UGT1A5: variants seen among roughly 807,000 people sequenced by gnomAD.
UGT1A5 encodes the protein UDP-glucuronosyltransferase 1A5.
A neutral mutation model predicts 40.3 loss-of-function variants in UGT1A5; 29 were observed. That is an observed-to-expected ratio of 0.72 (90% CI 0.54 to 0.98). UGT1A5 has a LOEUF of 0.98. Among genes scored for constraint, UGT1A5 ranks in the 50% least tolerant of loss-of-function variants. The pLI, the probability that UGT1A5 is intolerant of heterozygous loss-of-function variation, is 0.00. For synonymous variants in UGT1A5, 257 were observed against 262.5 expected (o/e 0.98, Z 0.20); for missense variants, 678 against 677.9 (o/e 1.00, Z 0.00).
intron 1 of UGT1A5, among the ~76,000 whole-genome samples, chr2:233,766,563 T>C (rs533483088): frequency 6.6e-6 from 1 of 152,304 alleles, no homozygotes; most frequent in South Asian, 2.1e-4. Context: ...CCTAGGTCCA[T>C]GGGCACAGGT....
In UGT1A5 at chr2:233,758,028, C is replaced by A. The variant is rs116537239; in HGVS notation, c.868-9006C>A. 3.8e-3 allele frequency among the ~76,000 whole-genome samples: 585 copies of A among 152,248 alleles called. 2 individuals are homozygous for A. Among genetic ancestry groups the A allele is most frequent in the African/African-American group, 0.013 (559 of 41,526 alleles). On this transcript the variant is annotated intron_variant, in intron 1 of 4. Coordinates refer to ENST00000373414, the MANE Select transcript of UGT1A5 (RefSeq NM_019078.2). ...CATGAGTTTGTCTCTGTCTACCTGA[C>A]CCCTCCTTTCAGGCAAGGACCATTT...
chr2:233,717,344 G>A (rs187624404), intron 1 of UGT1A5, among the ~76,000 whole-genome samples: 9 of 152,242 alleles, frequency 5.9e-5, no homozygotes, highest in Admixed American at 2.0e-4. Context: ...CCCAGAAATC[G>A]TCCTCCCCTG....
rs573018562 is a variant in UGT1A5 at position 233,765,032 on chromosome 2, G to A, written c.868-2002G>A. On this transcript the variant is annotated intron_variant, in intron 1 of 4. Transcript: ENST00000373414. Reference sequence around the variant, plus strand: ...AATCAGGCTTGGCAGGAGTCCTGCTGTGCAAATTGCGTTTGCTGAGCCCTG... The same window carrying A: ...AATCAGGCTTGGCAGGAGTCCTGCTATGCAAATTGCGTTTGCTGAGCCCTG... 2.6e-5 allele frequency among the ~76,000 whole-genome samples: 4 copies of A among 152,152 alleles called. No homozygotes were observed. In the East Asian group the frequency reaches 7.7e-4, roughly 29 times the overall value.
intron 1 of UGT1A5, among the ~76,000 whole-genome samples, chr2:233,716,269 C>G (rs1283038441): frequency 1.3e-5 from 2 of 152,168 alleles, no homozygotes; most frequent in Non-Finnish European, 2.9e-5. Flanking sequence ...CTCCCCATGT[C>G]AAAACCCTTA....
At chr2:233,720,769 G>A (rs1374980919) in intron 1 of UGT1A5, among the ~76,000 whole-genome samples, 1 of 151,034 alleles carries the variant, frequency 6.6e-6, no homozygotes, top group Non-Finnish European at 1.5e-5. Flanking sequence ...GCAGTGGCCG[G>A]ATCTCCGCTC....
At chr2:233,731,438 C>G (rs1329766124) in intron 1 of UGT1A5, among the ~76,000 whole-genome samples, 1 of 152,078 alleles carries the variant, frequency 6.6e-6, no homozygotes, top group African/African-American at 2.4e-5. Context: ...CTCCCCCAGT[C>G]CCCCACCCCA....
intron 1 of UGT1A5, among the ~76,000 whole-genome samples, chr2:233,727,123 C>T (rs2077584182): frequency 1.3e-5 from 2 of 152,116 alleles, no homozygotes; most frequent in Non-Finnish European, 2.9e-5. Flanking sequence ...GTGAGATTGG[C>T]AGAGGGGAAC....
At chr2:233,760,415 T>A (rs2125983730) in intron 1 of UGT1A5, 1 of 1,614,208 alleles carries the variant, frequency 6.2e-7, no homozygotes, top group Non-Finnish European at 8.5e-7. Flanking sequence ...TGGCTGAGCA[T>A]GCTTGGGGCC....
intron 1 of UGT1A5, among the ~76,000 whole-genome samples, chr2:233,766,449 C>T (rs1213957356): frequency 6.6e-6 from 1 of 152,156 alleles, no homozygotes; most frequent in Non-Finnish European, 1.5e-5. Flanking sequence ...TGTCTGCCTG[C>T]TAGGGTCTTG....
In UGT1A5 at chr2:233,734,566, T is replaced by C. The variant is rs182305779; in HGVS notation, c.867+20708T>C. Among the ~76,000 whole-genome samples, 74 of 152,314 alleles carry C rather than the reference T, an allele frequency of 4.9e-4. No individual in the cohort carries two copies. The East Asian group carries it at 0.013, about 27-fold the overall frequency. ...CTTCCCTTCTGCTAGCTTTTGAATT[T>C]GTTTGCTCTTGCTTATCTAGTTCTT... On this transcript the variant is annotated intron_variant, in intron 1 of 4. Coordinates refer to ENST00000373414, the MANE Select transcript of UGT1A5 (RefSeq NM_019078.2).
chr2:233,764,139 C>T (rs911077141), intron 1 of UGT1A5, among the ~76,000 whole-genome samples: 4 of 152,156 alleles, frequency 2.6e-5, no homozygotes, highest in Admixed American at 1.3e-4. Context: ...TGTTAAATGT[C>T]TCATTTTGGC....
chr2:233,753,865 C>T (rs560460253), intron 1 of UGT1A5, among the ~76,000 whole-genome samples: 1 of 152,330 alleles, frequency 6.6e-6, no homozygotes, highest in East Asian at 1.9e-4. Context: ...CACATAACCC[C>T]AAGGTCTGTC....
At chr2:233,761,712 C>G (rs1355356029) in intron 1 of UGT1A5, among the ~76,000 whole-genome samples, 1 of 152,230 alleles carries the variant, frequency 6.6e-6, no homozygotes, top group Non-Finnish European at 1.5e-5. Context: ...GTTTCATTCT[C>G]AAGCTATTAG....
chr2:233,765,512 A>T (rs1230847041), intron 1 of UGT1A5, among the ~76,000 whole-genome samples: 5 of 152,144 alleles, frequency 3.3e-5, no homozygotes, highest in African/African-American at 1.2e-4. Flanking sequence ...AGGAACAGAA[A>T]ATCAAACACC....
intron 1 of UGT1A5, among the ~76,000 whole-genome samples, chr2:233,749,511 A>G (rs944951323): frequency 2.0e-5 from 3 of 151,918 alleles, no homozygotes; most frequent in East Asian, 3.8e-4. Flanking sequence ...ATTAGAGAAC[A>G]CTAGCAAGGC....
intron 1 of UGT1A5, among the ~76,000 whole-genome samples, chr2:233,737,934 C>T (rs1461776263): frequency 1.3e-5 from 2 of 152,038 alleles, no homozygotes; most frequent in East Asian, 3.9e-4. Flanking sequence ...AGTAGTGAGT[C>T]CATTGACTGT....
chr2:233,729,850 G>C (rs916795505), intron 1 of UGT1A5: 6 of 1,613,870 alleles, frequency 3.7e-6, no homozygotes, highest in Non-Finnish European at 5.1e-6. Context: ...TTTTCAGAGA[G>C]AGGTGTCAGT....
chr2:233,719,330 G>GT, intron 1 of UGT1A5: 2 of 1,613,866 alleles, frequency 1.2e-6, no homozygotes, highest in Non-Finnish European at 8.5e-7. Context: ...TTCCTGCTGT[G>GT]TTTTTTTGGA....
At chr2:233,755,051 C>A in intron 1 of UGT1A5, 1 of 1,331,262 alleles carries the variant, frequency 7.5e-7, no homozygotes, top group East Asian at 4.6e-5. Flanking sequence ...AGCCGCCCTC[C>A]GCCCTCGCCT....
Sources: gnomAD v4.1 joint callset for allele counts (sites outside exome capture counted in the v4.1 genomes callset) on GRCh38, gnomAD v4.1.1 for gene constraint, MANE v1.5 for transcripts, NCBI Gene and HGNC (gene_info 2026-07-23, HGNC 2026-07-21) for gene names.